C7: variants seen among roughly 807,000 people sequenced by gnomAD.
C7 encodes complement component C7.
C7 carries 83 observed loss-of-function variants against 104.8 expected under a neutral mutation model. That is an observed-to-expected ratio of 0.79 (90% CI 0.66 to 0.95). C7 has a LOEUF of 0.95. Ranked by LOEUF, C7 falls within the 40% of genes least tolerant of loss-of-function variation. The pLI is 0.00. For missense variants in C7, 1,070 were observed against 1,011.2 expected (o/e 1.06, Z -0.79); for synonymous variants, 415 against 360.6 (o/e 1.15, Z -1.71).
chr5:40,981,037 T>A (rs1030840974), intron 17 of C7, among the ~76,000 whole-genome samples: 1 of 152,202 alleles, frequency 6.6e-6, no homozygotes, highest in African/African-American at 2.4e-5. Flanking sequence ...CTCTCTTTGT[T>A]TGAGTCTTGA....
intron 15 of C7, 82 bp downstream of exon 15, chr5:40,972,676 C>A: frequency 1.8e-6 from 2 of 1,109,418 alleles, no homozygotes; most frequent in Non-Finnish European, 2.6e-6. Flanking sequence ...GGTACTGTAT[C>A]ACCATAGCTG....
rs1368157732 is a variant in C7, at chr5:40,909,597, A to T, written c.-14A>T. The T allele has an allele frequency of 6.4e-7, 1 of 1,567,288 alleles. No homozygotes were observed. Among genetic ancestry groups the T allele is most frequent in the Non-Finnish European group, 8.7e-7 (1 of 1,146,700 alleles). The stretch of plus-strand genomic sequence containing the variant: ...ATCTTCCTCCTCTCTTCTGCCCTGA[A>T]TGTTTTCCCAAACATGAAGGTAAGA... On this transcript the variant is annotated 5_prime_UTR_variant, in exon 1 of 18. The change abolishes an upstream ATG in the 5' untranslated region. Transcript: ENST00000313164.
chr5:40,953,637 C>T (rs1337489969), intron 9 of C7, among the ~76,000 whole-genome samples: 1 of 9,696 alleles, frequency 1.0e-4, no homozygotes, highest in African/African-American at 2.6e-4. Context: ...AAGACTCTGT[C>T]TCAAAAAAAA....
intron 14 of C7, among the ~76,000 whole-genome samples, chr5:40,969,639 G>A (rs1033103601): frequency 3.3e-5 from 5 of 152,180 alleles, no homozygotes; most frequent in Non-Finnish European, 7.4e-5. Context: ...TTTCTACCTG[G>A]CCCCTTCTTT....
chr5:40,975,648 G>A (rs1740803315), intron 15 of C7, among the ~76,000 whole-genome samples: 1 of 152,122 alleles, frequency 6.6e-6, no homozygotes, highest in African/African-American at 2.4e-5. Flanking sequence ...ACGGGCGTGA[G>A]CCACCGCGCC....
At chr5:40,972,080 G>A (rs1017717778) in intron 14 of C7, 1 of 488,442 alleles carries the variant, frequency 2.0e-6, no homozygotes, top group Non-Finnish European at 4.0e-6. Flanking sequence ...ACATAAATAA[G>A]TGACAGCTGT....
intron 1 of C7, among the ~76,000 whole-genome samples, chr5:40,911,721 A>G (rs1310773669): frequency 6.6e-6 from 1 of 150,748 alleles, no homozygotes; most frequent in Non-Finnish European, 1.5e-5. Flanking sequence ...CAAAAATACC[A>G]CACACTTTTT....
intron 1 of C7, among the ~76,000 whole-genome samples, chr5:40,923,024 T>C (rs955373853): frequency 6.6e-6 from 1 of 151,830 alleles, no homozygotes; most frequent in African/African-American, 2.4e-5. Context: ...ATCAAAAGAG[T>C]AAAGAGGAAC....
intron 1 of C7, among the ~76,000 whole-genome samples, chr5:40,915,577 GAAAA>G (rs1233297579): frequency 6.6e-6 from 1 of 151,978 alleles, no homozygotes; most frequent in Non-Finnish European, 1.5e-5. Flanking sequence ...TATTGGAAAA[GAAAA>G]AACACACCCC....
intron 6 of C7, among the ~76,000 whole-genome samples, chr5:40,944,058 T>G (rs1007349929): frequency 2.4e-4 from 31 of 127,132 alleles, no homozygotes; most frequent in African/African-American, 7.3e-4. Context: ...AGTATGACTG[T>G]GTAATATTGT....
chr5:40,914,703 T>A (rs1739283294), intron 1 of C7, among the ~76,000 whole-genome samples: 1 of 152,194 alleles, frequency 6.6e-6, no homozygotes, highest in Non-Finnish European at 1.5e-5. Context: ...CTATGCAATA[T>A]TACAAAGAGA....
Position 40,931,107 on chromosome 5 carries a change from T to A in C7, c.106T>A (p.Trp36Arg), listed in dbSNP as rs748371025. 1 of 1,613,666 alleles carries A rather than the reference T, an allele frequency of 6.2e-7. No homozygotes were observed. The highest frequency in any genetic ancestry group is 1.1e-5 in the South Asian group (1 of 91,048). Residue 36 changes from tryptophan to arginine, a missense_variant, in exon 3 of 18, where the codon TGG (tryptophan) becomes AGG (arginine). Trp to Arg is a moderately radical substitution (Grantham distance 101). Coordinates refer to ENST00000313164, the MANE Select transcript of C7 (RefSeq NM_000587.4). ...CTGCCAGTGGGACTTCTATGCCCCT[T>A]GGTCAGAATGCAATGGCTGTACCAA... ...VNCQWDFYAP[W>R]SECNGCTKTQ...
intron 9 of C7, among the ~76,000 whole-genome samples, chr5:40,954,008 C>T (rs1291119149): frequency 3.3e-5 from 4 of 122,578 alleles, no homozygotes; most frequent in Admixed American, 8.7e-5. Flanking sequence ...ACTCAAAATC[C>T]GATCTGCAAG....
intron 16 of C7, among the ~76,000 whole-genome samples, chr5:40,978,349 C>T (rs1051971759): frequency 1.3e-5 from 2 of 152,072 alleles, no homozygotes; most frequent in Admixed American, 6.6e-5. Flanking sequence ...AATATTCTGA[C>T]TTTGCTGCTA....
Position 40,928,765 on chromosome 5 carries a change from T to G in C7, c.62+130T>G, listed in dbSNP as rs900646863. On this transcript the variant is annotated intron_variant, in intron 2 of 17. Coordinates refer to ENST00000313164, the MANE Select transcript of C7 (RefSeq NM_000587.4). Reference sequence around the variant, plus strand: ...CAACATATTTTCTCTTTCCATATTTTTATAAAAGACAATGATAACAAAAGC... The same window carrying G: ...CAACATATTTTCTCTTTCCATATTTGTATAAAAGACAATGATAACAAAAGC... 3 of 533,768 alleles carry G rather than the reference T, an allele frequency of 5.6e-6. No homozygotes were observed. In the Admixed American group the frequency reaches 1.1e-4, roughly 20 times the overall value. The allele number at this position is 533,768 out of a possible 1,614,324, so 33.1% of individuals were successfully genotyped here.
Position 40,947,724 on chromosome 5 carries a change from T to C in C7, c.861T>C (p.Tyr287=). 2 of 1,613,820 alleles carry C rather than the reference T, an allele frequency of 1.2e-6. No individual in the cohort carries two copies. Among genetic ancestry groups the C allele is most frequent in the Admixed American group, 3.3e-5 (2 of 59,980 alleles). Residue 287 remains tyrosine (Y), a synonymous_variant, in exon 8 of 18, where the codon TAT becomes TAC. Coordinates refer to ENST00000313164, the MANE Select transcript of C7 (RefSeq NM_000587.4). ...WKELSHLPSL[Y]DYSAYRRLID... ...AGCTTTCCCACCTCCCCTCTCTGTA[T>C]GACTACAGTGCCTACCGAAGATTAA...
chr5:40,966,626 A>C (rs1839514), intron 14 of C7, among the ~76,000 whole-genome samples: 79,684 of 151,814 alleles, frequency 0.52, 21,077 homozygotes, highest in Middle Eastern at 0.65. Flanking sequence ...ATCTGCCTGA[A>C]TCGGCCTCCC....
At chr5:40,933,610 C>T (rs942637488) in intron 3 of C7, among the ~76,000 whole-genome samples, 2 of 152,112 alleles carry the variant, frequency 1.3e-5, no homozygotes, top group Non-Finnish European at 2.9e-5. Flanking sequence ...GTAGCTTCAC[C>T]TTTGGATTAC....
At chr5:40,954,304 G>A (rs2111651618) in intron 9 of C7, among the ~76,000 whole-genome samples, 1 of 152,072 alleles carries the variant, frequency 6.6e-6, no homozygotes, top group Non-Finnish European at 1.5e-5. Context: ...TATACAATTA[G>A]TATTTTGTAA....
Sources: gnomAD v4.1 joint callset for allele counts (sites outside exome capture counted in the v4.1 genomes callset) on GRCh38, gnomAD v4.1.1 for gene constraint, MANE v1.5 for transcripts, NCBI Gene and HGNC (gene_info 2026-07-23, HGNC 2026-07-21) for gene names.